FBXO34: variants seen among roughly 807,000 people sequenced by gnomAD.
FBXO34 encodes the protein F-box protein 34.
In FBXO34, 12 loss-of-function variants were observed where a neutral mutation model predicts 24.5. The ratio of observed to expected loss-of-function variants is 0.49; its 90% CI spans 0.31 to 0.79. The LOEUF (loss-of-function observed/expected upper bound fraction) is 0.79. Ranked by LOEUF, FBXO34 falls within the 30% of genes least tolerant of loss-of-function variation. FBXO34 has a pLI of 0.04. For missense variants in FBXO34, 823 were observed against 857.7 expected (o/e 0.96, Z 0.51); for synonymous variants, 320 against 311.9 (o/e 1.03, Z -0.27).
chr14:55,327,813 C>G (rs538127970), intron 1 of FBXO34, among the ~76,000 whole-genome samples: 3 of 149,934 alleles, frequency 2.0e-5, no homozygotes, highest in Admixed American at 6.7e-5. Context: ...ATATTGTGCA[C>G]GAAATCTTTT....
chr14:55,292,891 C>CT (rs111373920), intron 1 of FBXO34, among the ~76,000 whole-genome samples: 1,790 of 151,040 alleles, frequency 0.012, 17 homozygotes, highest in Middle Eastern at 0.027. Context: ...AACTTTTCTC[C>CT]TTTTTTTTTG....
At chr14:55,361,632 C>G (rs140386652) in intron 3 of FBXO34, 1 of 152,320 alleles carries the variant, frequency 6.6e-6, no homozygotes, top group Non-Finnish European at 1.5e-5. Context: ...GCTGTTTCAT[C>G]TCTATTGGAA....
At chr14:55,385,989 C>G in the FBXO34 span, 12 of 1,614,000 alleles carry the variant, frequency 7.4e-6, no homozygotes, top group African/African-American at 1.6e-4. Context: ...ACCAGGTCAC[C>G]AAGTTTGCGA....
chr14:55,377,978 T>C, the FBXO34 span: 9 of 1,605,516 alleles, frequency 5.6e-6, no homozygotes, highest in Non-Finnish European at 6.8e-6. Flanking sequence ...AACCTATTTT[T>C]CATACCTGAG....
chr14:55,352,186 A>C lies in FBXO34; in HGVS notation c.1796A>C (p.Lys599Thr). Residue 599 changes from lysine (K) to threonine (T), a missense_variant, in exon 2 of 2, where the codon AAA becomes ACA. Coordinates refer to ENST00000313833, the MANE Select transcript of FBXO34 (RefSeq NM_017943.4). Reference protein sequence around the residue: ...LLPTKSLVALKCTCCYFKFII... With the variant: ...LLPTKSLVALTCTCCYFKFII... ...CCCACCAAGAGTTTAGTGGCCCTTA[A>C]ATGTACCTGCTGCTATTTCAAGTTT... is the stretch of plus-strand genomic sequence containing the variant. The C allele has an allele frequency of 6.2e-7, 1 of 1,614,126 alleles. No individual in the cohort carries two copies. Among genetic ancestry groups the C allele is most frequent in the Non-Finnish European group, 8.5e-7 (1 of 1,180,012 alleles).
At chr14:55,428,702 T>TG in the FBXO34 span, 1 of 1,282,284 alleles carries the variant, frequency 7.8e-7, no homozygotes, top group Admixed American at 2.3e-5. Context: ...CCCCGCCTTT[T>TG]TTTTTTTAAT....
chr14:55,286,748 A>AC (rs1405337573), intron 1 of FBXO34, among the ~76,000 whole-genome samples: 2 of 152,100 alleles, frequency 1.3e-5, no homozygotes, highest in African/African-American at 4.8e-5. Context: ...TGATGTTTGT[A>AC]CTACAGGTTG....
At chr14:55,413,978 C>A in the FBXO34 span, 1 of 516,174 alleles carries the variant, frequency 1.9e-6, no homozygotes, top group Admixed American at 2.0e-5. Context: ...ATGTATGTGG[C>A]CAAAGGAACA....
the FBXO34 span, among the ~76,000 whole-genome samples, chr14:55,435,184 T>C: frequency 2.0e-5 from 3 of 152,158 alleles, no homozygotes; most frequent in African/African-American, 2.4e-5. Context: ...GAAAGATACA[T>C]AAGTGTCAGG....
Position 55,299,063 on chromosome 14 carries a change from T to C in FBXO34, c.-11+27526T>C, listed in dbSNP as rs182650814. The stretch of plus-strand genomic sequence containing the variant: ...AGATTTCAACAGCAATTTCGAAACC[T>C]GTAGGGTTTGGAGAAAAGTCTGACG... On this transcript the variant is annotated intron_variant, in intron 1 of 1. Coordinates refer to ENST00000313833, the MANE Select transcript of FBXO34 (RefSeq NM_017943.4). 586 of 1,556,712 alleles carry C rather than the reference T, an allele frequency of 3.8e-4. 4 individuals are homozygous for C. In the East Asian group the frequency reaches 7.4e-3, roughly 20 times the overall value.
chr14:55,439,278 T>TTA, the FBXO34 span, among the ~76,000 whole-genome samples: 1 of 133,884 alleles, frequency 7.5e-6, no homozygotes, highest in Non-Finnish European at 1.6e-5. Context: ...TAATTAACTT[T>TTA]AAAAAAAAAA....
the FBXO34 span, chr14:55,380,711 C>T: frequency 6.6e-7 from 1 of 1,516,718 alleles, no homozygotes; most frequent in African/African-American, 1.4e-5. Flanking sequence ...AAAACAACCA[C>T]CATGTACAAA....
chr14:55,352,621 CTAGAAGA>C lies in FBXO34; in HGVS notation c.*96_*102del. 1.0e-6 allele frequency: 1 copy of C among 991,842 alleles called. No individual in the cohort carries two copies. Among genetic ancestry groups the C allele is most frequent in the South Asian group, 1.7e-5 (1 of 57,378 alleles). 61.4% of individuals were successfully genotyped at this position (991,842 alleles called of 1,614,324 possible). On this transcript the variant is annotated 3_prime_UTR_variant, in exon 2 of 2. Transcript: ENST00000313833. Reference sequence around the variant, plus strand: ...GAGCGTAGCCCCCTGAGTCATCACTCTAGAAGAATCTGTACATCATCAGGACTGCATT... The same window carrying C: ...GAGCGTAGCCCCCTGAGTCATCACTCATCTGTACATCATCAGGACTGCATT...
the FBXO34 span, among the ~76,000 whole-genome samples, chr14:55,442,523 T>C: frequency 6.6e-6 from 1 of 152,280 alleles, no homozygotes; most frequent in Middle Eastern, 3.4e-3. Flanking sequence ...TAAAACTGGA[T>C]GGATGAAGGA....
At chr14:55,369,731 C>T, downstream of FBXO34, 1 of 1,613,730 alleles carries the variant, frequency 6.2e-7, no homozygotes, top group Non-Finnish European at 8.5e-7. Context: ...GGTGCTCTGA[C>T]TCTGGGAGAC....
At chr14:55,363,910 A>T (rs928865442), downstream of FBXO34, among the ~76,000 whole-genome samples, 1 of 151,598 alleles carries the variant, frequency 6.6e-6, no homozygotes, top group Non-Finnish European at 1.5e-5. Context: ...CCCATTTTCA[A>T]CACTTAACTA....
downstream of FBXO34, chr14:55,366,395 G>A (rs1317271750): frequency 1.3e-5 from 2 of 152,560 alleles, no homozygotes; most frequent in South Asian, 4.1e-4. Context: ...GCAAAGTACT[G>A]TTAAAAGATT....
downstream of FBXO34, among the ~76,000 whole-genome samples, chr14:55,365,523 T>G (rs557012356): frequency 1.7e-4 from 26 of 152,318 alleles, no homozygotes; most frequent in African/African-American, 6.0e-4. Flanking sequence ...TGGTACATTT[T>G]ATTGATGCAA....
At position 55,284,717 on chromosome 14, in the gene FBXO34, G is replaced by A. The variant is rs74621344; in HGVS notation, c.-11+13180G>A. ...CTGCACCTCAACCACCCAGGCTCAAGCAATCTTTCCATCTCATCCTCCTGA... is the reference window on the plus strand; with the variant it reads ...CTGCACCTCAACCACCCAGGCTCAAACAATCTTTCCATCTCATCCTCCTGA... On this transcript the variant is annotated intron_variant, in intron 1 of 1. Coordinates refer to ENST00000313833, the MANE Select transcript of FBXO34 (RefSeq NM_017943.4). 1.1e-4 allele frequency among the ~76,000 whole-genome samples: 17 copies of A among 148,056 alleles called. No individual in the cohort carries two copies. The East Asian group carries it at 3.4e-3, about 29-fold the overall frequency.
Sources: gnomAD v4.1 joint callset for allele counts (sites outside exome capture counted in the v4.1 genomes callset) on GRCh38, gnomAD v4.1.1 for gene constraint, MANE v1.5 for transcripts, NCBI Gene and HGNC (gene_info 2026-07-23, HGNC 2026-07-21) for gene names.